The following DBF4B variants were observed in gnomAD, a reference collection of about 807,000 sequenced individuals.
The protein encoded by DBF4B is protein DBF4 homolog B.
A neutral mutation model predicts 53.4 loss-of-function variants in DBF4B; 49 were observed. The ratio of observed to expected loss-of-function variants is 0.92; its 90% CI spans 0.73 to 1.16. The LOEUF (loss-of-function observed/expected upper bound fraction) is 1.16, where lower values mean the gene tolerates loss of function less well. Ranked by LOEUF, DBF4B falls within the 50% of genes most tolerant of loss-of-function variation. DBF4B has a pLI of 0.00. For synonymous variants in DBF4B, 257 were observed against 288.7 expected (o/e 0.89, Z 1.11); for missense variants, 692 against 775.0 (o/e 0.89, Z 1.27).
At chr17:44,728,061 G>C (rs1974519619) in intron 3 of DBF4B, among the ~76,000 whole-genome samples, 1 of 151,936 alleles carries the variant, frequency 6.6e-6, no homozygotes, top group Non-Finnish European at 1.5e-5. Flanking sequence ...GGGTTGGCTG[G>C]GTGGTTTATC....
At chr17:44,739,134 G>A (rs1975749844) in intron 9 of DBF4B, among the ~76,000 whole-genome samples, 1 of 152,122 alleles carries the variant, frequency 6.6e-6, no homozygotes, top group African/African-American at 2.4e-5. Context: ...TCTTCCCTCG[G>A]AGCAGGAGGG....
Position 44,749,588 on chromosome 17 carries a change from G to T in DBF4B, c.1190-1007G>T. The T allele has an allele frequency of 8.3e-7, 1 of 1,197,650 alleles. No homozygotes were observed. Among genetic ancestry groups the T allele is most frequent in the Non-Finnish European group, 1.1e-6 (1 of 945,548 alleles). The allele number at this position is 1,197,650 out of a possible 1,614,324, so 74.2% of individuals were successfully genotyped here. A position where few individuals can be genotyped will look rare whatever the true frequency, so the allele number is the denominator to read the frequency against. ...TGGGAGAGAATCTGGGCTGGGGGCT[G>T]CCCTCTCCTACCCCTGCCTCCTGCC... On this transcript the variant is annotated intron_variant, in intron 13 of 13. Coordinates refer to ENST00000315005, the MANE Select transcript of DBF4B (RefSeq NM_145663.3). This position sits in a 1 kb window ranked among gnomAD's most constrained non-coding sequence, Gnocchi z 4.4.
At chr17:44,730,309 T>G (rs191267893) in intron 4 of DBF4B, among the ~76,000 whole-genome samples, 4 of 152,294 alleles carry the variant, frequency 2.6e-5, no homozygotes, top group Middle Eastern at 3.4e-3. Context: ...TATGTCAGTT[T>G]TTACGGGACT....
intron 9 of DBF4B, among the ~76,000 whole-genome samples, chr17:44,739,332 G>A (rs1975766282): frequency 6.6e-6 from 1 of 152,254 alleles, no homozygotes; most frequent in Non-Finnish European, 1.5e-5. Flanking sequence ...ATAAGTCCAT[G>A]TGTATCCAGC....
Position 44,708,699 on chromosome 17 carries a change from G to A in DBF4B, c.-122G>A. The stretch of plus-strand genomic sequence containing the variant: ...CCGCGGCCGAAAACGCCAAGAGATT[G>A]ATGCTGTAGCTGCCCTGAGATAACC... On this transcript the variant is annotated 5_prime_UTR_variant, in exon 1 of 14. Coordinates refer to ENST00000315005, the MANE Select transcript of DBF4B (RefSeq NM_145663.3). 8.2e-7 allele frequency: 1 copy of A among 1,219,642 alleles called. No individual in the cohort carries two copies. The highest frequency in any genetic ancestry group is 1.8e-5 in the South Asian group (1 of 56,880). 75.6% of individuals were successfully genotyped at this position (1,219,642 alleles called of 1,614,324 possible).
At chr17:44,710,976 ATTTTTTTTTT>A (rs10522434) in intron 2 of DBF4B, among the ~76,000 whole-genome samples, 186 of 98,272 alleles carry the variant, frequency 1.9e-3, no homozygotes, top group Non-Finnish European at 2.3e-3. Flanking sequence ...TTCCAGTTTG[ATTTTTTTTTT>A]TTTTTTTTTT....
chr17:44,720,864 CTT>C (rs35497738), intron 2 of DBF4B, among the ~76,000 whole-genome samples: 4 of 141,642 alleles, frequency 2.8e-5, no homozygotes, highest in Admixed American at 7.1e-5. Context: ...TATTATCTGG[CTT>C]TTTTTTTTTT....
At chr17:44,730,940 C>G in intron 4 of DBF4B, 25 bp from the exon 5 acceptor site, 1 of 1,613,486 alleles carries the variant, frequency 6.2e-7, no homozygotes, top group Non-Finnish European at 8.5e-7. Flanking sequence ...AACAGCAGAC[C>G]TCACTGCTCT....
chr17:44,720,099 AC>A, intron 2 of DBF4B: 1 of 274,442 alleles, frequency 3.6e-6, no homozygotes, highest in Non-Finnish European at 7.2e-6. Context: ...CAGTCCCAAG[AC>A]CAGCTGCTTC....
At chr17:44,748,042 G>A (rs866642950) in intron 12 of DBF4B, among the ~76,000 whole-genome samples, 2 of 152,174 alleles carry the variant, frequency 1.3e-5, no homozygotes, top group Admixed American at 6.5e-5. Flanking sequence ...GCACTGCGCT[G>A]CTTTCTTCAG....
At chr17:44,722,149 A>G (rs1054629725) in intron 2 of DBF4B, among the ~76,000 whole-genome samples, 2 of 151,924 alleles carry the variant, frequency 1.3e-5, no homozygotes, top group African/African-American at 2.4e-5. Flanking sequence ...GGGAAAAAAA[A>G]AAAAGGAAAC....
intron 5 of DBF4B, 117 bp from the exon 6 acceptor site, chr17:44,732,061 C>G (rs1974885400): frequency 6.7e-6 from 6 of 901,240 alleles, no homozygotes; most frequent in African/African-American, 3.3e-5. Flanking sequence ...CTACCTGCCT[C>G]CCTGCAGTCC....
At chr17:44,729,778 A>G in intron 3 of DBF4B, 127 bp from the exon 4 acceptor site, 1 of 954,394 alleles carries the variant, frequency 1.0e-6, no homozygotes, top group South Asian at 1.7e-5. Context: ...ATGAAACTGC[A>G]TTTAGTCTAT....
chr17:44,724,651 T>A (rs1187014533), intron 3 of DBF4B, among the ~76,000 whole-genome samples: 1 of 152,038 alleles, frequency 6.6e-6, no homozygotes, highest in East Asian at 1.9e-4. Flanking sequence ...AGTGCTGGGA[T>A]TATAGGCGTG....
chr17:44,710,090 T>A (rs555824619), intron 2 of DBF4B, among the ~76,000 whole-genome samples: 217 of 152,132 alleles, frequency 1.4e-3, no homozygotes, highest in Non-Finnish European at 2.0e-3. Context: ...GGAAAATTGA[T>A]TGAACCCAGG....
rs184094802 is a variant in DBF4B, at chr17:44,735,410, C to T, written c.630+1247C>T. On this transcript the variant is annotated intron_variant, in intron 7 of 13. Coordinates refer to ENST00000315005, the MANE Select transcript of DBF4B (RefSeq NM_145663.3). ...TTTGTAGGCCGGGCACAGTGGCTCACGCCTGTAATCCCAGTAATTTGGGAG... is the reference window on the plus strand; with the variant it reads ...TTTGTAGGCCGGGCACAGTGGCTCATGCCTGTAATCCCAGTAATTTGGGAG... 3.0e-3 allele frequency among the ~76,000 whole-genome samples: 455 copies of T among 152,214 alleles called. 2 individuals are homozygous for T. Among genetic ancestry groups the T allele is most frequent in the African/African-American group, 0.011 (437 of 41,542 alleles).
chr17:44,747,541 C>CTGTG (rs1400125710), intron 12 of DBF4B, 26 bp downstream of exon 12: 1 of 1,612,028 alleles, frequency 6.2e-7, no homozygotes, highest in Non-Finnish European at 8.5e-7. Context: ...GCAGGCACAA[C>CTGTG]TGTGTCTGCT....
chr17:44,748,381 C>T lies in DBF4B; in HGVS notation c.1105C>T (p.Pro369Ser), dbSNP rs1328697561. Residue 369 changes from proline (P) to serine (S), a missense_variant, in exon 13 of 14, where the codon CCT becomes TCT. Transcript: ENST00000315005. ...AGCTTCTGATTGTGACCCTCTCTGT[C>T]CTGAGACTCTGCACCCCCATCAGCC... is the stretch of plus-strand genomic sequence containing the variant. ...SPASDCDPLC[P>S]ETLHPHQPSH... The T allele has an allele frequency of 6.2e-7, 1 of 1,612,340 alleles. No individual in the cohort carries two copies. Among genetic ancestry groups the T allele is most frequent in the Admixed American group, 1.7e-5 (1 of 59,944 alleles).
Position 44,748,398 on chromosome 17 carries a change from C to T in DBF4B, c.1122C>T (p.Pro374=). The T allele has an allele frequency of 6.2e-7, 1 of 1,613,748 alleles. No individual in the cohort carries two copies. Among genetic ancestry groups the T allele is most frequent in the Non-Finnish European group, 8.5e-7 (1 of 1,179,788 alleles). ...CDPLCPETLH[P]HQPSHPRAAS... is the part of the protein sequence containing the mutation. ...CTCTCTGTCCTGAGACTCTGCACCC[C>T]CATCAGCCCTCCCATCCCAGGGCAG... The change falls in exon 13 of 14, where the codon CCC becomes CCT. Residue 374 remains proline, a synonymous_variant. Coordinates refer to ENST00000315005, the MANE Select transcript of DBF4B (RefSeq NM_145663.3).
Sources: allele counts gnomAD v4.1 joint callset (sites outside exome capture counted in the v4.1 genomes callset), GRCh38; gene constraint gnomAD v4.1.1; non-coding constraint Gnocchi (gnomAD v3.1); transcripts MANE v1.5; gene names NCBI Gene and HGNC (gene_info 2026-07-23, HGNC 2026-07-21).